The following ERC2 variants were observed in gnomAD, a reference collection of about 807,000 sequenced individuals.
ERC2 encodes the protein ELKS/RAB6-interacting/CAST family member 2, also known as ERC protein 2.
Under a neutral mutation model 114.8 loss-of-function variants are expected in ERC2, and 42 were observed. The ratio of observed to expected loss-of-function variants is 0.37; its 90% CI spans 0.29 to 0.47. The LOEUF is 0.47. ERC2 is among the 20% of genes least tolerant of loss of function. ERC2 has a pLI of 0.99. For missense variants in ERC2, 939 were observed against 1,150.7 expected (o/e 0.82, Z 2.66); for synonymous variants, 454 against 425.5 (o/e 1.07, Z -0.82).
At chr3:55,806,913 T>C (rs1212558244) in intron 14 of ERC2, among the ~76,000 whole-genome samples, 3 of 152,168 alleles carry the variant, frequency 2.0e-5, no homozygotes, top group African/African-American at 4.8e-5. Flanking sequence ...CACTCCTTCA[T>C]TCAGCAGGTA....
intron 7 of ERC2, among the ~76,000 whole-genome samples, chr3:56,037,087 A>G (rs1370556686): frequency 6.6e-6 from 1 of 152,220 alleles, no homozygotes; most frequent in Non-Finnish European, 1.5e-5. Flanking sequence ...GCTTACAAAG[A>G]TGAGAAATAA....
intron 7 of ERC2, among the ~76,000 whole-genome samples, chr3:56,038,653 A>G (rs1560068493): frequency 6.6e-6 from 1 of 152,212 alleles, no homozygotes; most frequent in Non-Finnish European, 1.5e-5. Context: ...TTGCAGCACT[A>G]TTCGCAATAG....
intron 17 of ERC2, among the ~76,000 whole-genome samples, chr3:55,615,170 A>G (rs1054840740): frequency 1.3e-5 from 2 of 152,228 alleles, no homozygotes; most frequent in Non-Finnish European, 2.9e-5. Flanking sequence ...ACTTGTTGTC[A>G]TAGGATACCA....
chr3:56,284,305 T>G (rs551518862), intron 3 of ERC2, among the ~76,000 whole-genome samples: 2 of 152,214 alleles, frequency 1.3e-5, no homozygotes, highest in Non-Finnish European at 2.9e-5. Context: ...ATTTTTAACG[T>G]GTTATGCATA....
chr3:55,809,955 G>T (rs1210802409), intron 14 of ERC2, among the ~76,000 whole-genome samples: 1 of 152,190 alleles, frequency 6.6e-6, no homozygotes, highest in Non-Finnish European at 1.5e-5. Flanking sequence ...GGCAGGGAAG[G>T]CTTACACATG....
At chr3:55,766,390 G>A (rs2067793498) in intron 14 of ERC2, among the ~76,000 whole-genome samples, 2 of 151,870 alleles carry the variant, frequency 1.3e-5, no homozygotes, top group Non-Finnish European at 2.9e-5. Flanking sequence ...ATGGAGTCTC[G>A]CTCTGTCGCC....
intron 14 of ERC2, among the ~76,000 whole-genome samples, chr3:55,796,766 C>T (rs557728754): frequency 2.0e-5 from 3 of 152,316 alleles, no homozygotes; most frequent in South Asian, 4.1e-4. Flanking sequence ...TGGAACACAG[C>T]CACACCCATT....
intron 6 of ERC2, among the ~76,000 whole-genome samples, chr3:56,084,257 T>G (rs1044156829): frequency 6.6e-6 from 1 of 152,176 alleles, no homozygotes; most frequent in African/African-American, 2.4e-5. Flanking sequence ...GCTTATACAC[T>G]GCTGGTGGGA....
chr3:55,660,643 C>G (rs565704450), intron 17 of ERC2, among the ~76,000 whole-genome samples: 30 of 152,236 alleles, frequency 2.0e-4, no homozygotes, highest in African/African-American at 7.2e-4. Context: ...GTTTAAATAT[C>G]AGCAATTTTG....
chr3:56,042,541 C>A (rs1458594495), intron 7 of ERC2, among the ~76,000 whole-genome samples: 4 of 152,150 alleles, frequency 2.6e-5, no homozygotes. Context: ...TCATGACACC[C>A]TGTGGAATAT....
chr3:56,340,878 G>T (rs1224645932), intron 2 of ERC2, among the ~76,000 whole-genome samples: 1 of 152,012 alleles, frequency 6.6e-6, no homozygotes, highest in Non-Finnish European at 1.5e-5. Flanking sequence ...AACAGTAAAA[G>T]GAGAAAGACC....
intron 7 of ERC2, among the ~76,000 whole-genome samples, chr3:56,052,011 G>GA (rs1434769195): frequency 9.9e-5 from 15 of 152,158 alleles, no homozygotes; most frequent in Non-Finnish European, 2.2e-4. Flanking sequence ...GCCCCAGAGA[G>GA]AAAACCAGAC....
chr3:56,217,740 G>A (rs1265361555), intron 3 of ERC2, among the ~76,000 whole-genome samples: 5 of 152,084 alleles, frequency 3.3e-5, no homozygotes, highest in Admixed American at 6.6e-5. Context: ...TTCAAACTAT[G>A]CTACAAGGCT....
chr3:56,204,416 C>T (rs554387826), intron 3 of ERC2, among the ~76,000 whole-genome samples: 1 of 152,098 alleles, frequency 6.6e-6, no homozygotes, highest in Non-Finnish European at 1.5e-5. Flanking sequence ...AAGAGACACA[C>T]AAACATTTGT....
intron 17 of ERC2, among the ~76,000 whole-genome samples, chr3:55,632,017 T>C (rs2059776476): frequency 6.6e-6 from 1 of 152,218 alleles, no homozygotes; most frequent in South Asian, 2.1e-4. Flanking sequence ...AGCTAATAAA[T>C]GGAGGAACTG....
chr3:55,805,683 G>C (rs568401521), intron 14 of ERC2, among the ~76,000 whole-genome samples: 1 of 151,592 alleles, frequency 6.6e-6, no homozygotes, highest in Non-Finnish European at 1.5e-5. Context: ...CAACAACAAA[G>C]ATAGAAGTTT....
chr3:56,208,303 AT>A (rs1435959188), intron 3 of ERC2, among the ~76,000 whole-genome samples: 3 of 118,386 alleles, frequency 2.5e-5, no homozygotes, highest in Admixed American at 9.0e-5. Context: ...AAAGATGGCA[AT>A]TCTAACATTC....
chr3:55,690,989 T>C (rs968162928), intron 16 of ERC2, among the ~76,000 whole-genome samples: 26 of 152,206 alleles, frequency 1.7e-4, no homozygotes, highest in Non-Finnish European at 7.3e-5. Context: ...AGGAGGCAGT[T>C]AAATACCTCC....
At chr3:56,015,613 G>A (rs1401627414) in intron 8 of ERC2, among the ~76,000 whole-genome samples, 1 of 152,078 alleles carries the variant, frequency 6.6e-6, no homozygotes, top group East Asian at 1.9e-4. Flanking sequence ...GTCTATCATT[G>A]ATGGACATTT....
Sources: allele counts gnomAD v4.1 joint callset (sites outside exome capture counted in the v4.1 genomes callset), GRCh38; gene constraint gnomAD v4.1.1; transcripts MANE v1.5; gene names NCBI Gene and HGNC (gene_info 2026-07-23, HGNC 2026-07-21).